The following SORCS2 variants were observed in gnomAD, a reference collection of about 807,000 sequenced individuals.
SORCS2 encodes the protein sortilin related VPS10 domain containing receptor 2, also known as VPS10 domain-containing receptor SorCS2.
SORCS2 carries 100 observed loss-of-function variants against 141.6 expected under a neutral mutation model. The ratio of observed to expected loss-of-function variants is 0.71; its 90% CI spans 0.60 to 0.83. The LOEUF is 0.83. Among genes scored for constraint, SORCS2 ranks in the 40% least tolerant of loss-of-function variants. The pLI is 0.00. For missense variants in SORCS2, 1,646 were observed against 1,560.2 expected (o/e 1.05, Z -0.93); for synonymous variants, 789 against 676.9 (o/e 1.17, Z -2.57).
intron 1 of SORCS2, among the ~76,000 whole-genome samples, chr4:7,272,233 G>A (rs1241176385): frequency 2.6e-5 from 4 of 152,186 alleles, no homozygotes; most frequent in Admixed American, 6.5e-5. Flanking sequence ...AGGAGAGGTA[G>A]CATCACAACA....
intron 8 of SORCS2, among the ~76,000 whole-genome samples, chr4:7,675,789 C>T (rs961666063): frequency 6.6e-6 from 1 of 152,172 alleles, no homozygotes; most frequent in African/African-American, 2.4e-5. Flanking sequence ...TGTCCCCAGG[C>T]CACCCTCCCA....
At chr4:7,719,814 A>G (rs1301101506) in intron 18 of SORCS2, among the ~76,000 whole-genome samples, 1 of 152,158 alleles carries the variant, frequency 6.6e-6, no homozygotes, top group East Asian at 1.9e-4. Flanking sequence ...TATGGGAGCC[A>G]GTCTACCACC....
At chr4:7,338,173 A>ATGGATGGATGGATGT (rs1720117462) in intron 1 of SORCS2, among the ~76,000 whole-genome samples, 2 of 145,328 alleles carry the variant, frequency 1.4e-5, no homozygotes, top group East Asian at 2.1e-4. Flanking sequence ...GGATGGATGG[A>ATGGATGGATGGATGT]TGGATGGATG....
At chr4:7,370,812 A>G (rs540541877) in intron 1 of SORCS2, among the ~76,000 whole-genome samples, 1 of 152,232 alleles carries the variant, frequency 6.6e-6, no homozygotes, top group South Asian at 2.1e-4. Flanking sequence ...GCCTTTGCAC[A>G]CAGGGGCCTG....
intron 1 of SORCS2, among the ~76,000 whole-genome samples, chr4:7,353,224 T>G (rs1721054842): frequency 6.6e-6 from 1 of 152,120 alleles, no homozygotes; most frequent in Non-Finnish European, 1.5e-5. Context: ...GAGGTGCCAG[T>G]AAGCACTGGC....
At chr4:7,538,850 A>G (rs537491749) in intron 3 of SORCS2, among the ~76,000 whole-genome samples, 7 of 152,192 alleles carry the variant, frequency 4.6e-5, no homozygotes, top group Admixed American at 3.9e-4. Context: ...TCAAGTGAAA[A>G]TTTTGTTTTT....
At chr4:7,307,932 G>A (rs4689694) in intron 1 of SORCS2, among the ~76,000 whole-genome samples, 114,334 of 151,996 alleles carry the variant, frequency 0.75, 45,391 homozygotes, top group Non-Finnish European at 0.88. Flanking sequence ...GAGTGTGCAT[G>A]CATGGGGTGG....
intron 2 of SORCS2, among the ~76,000 whole-genome samples, chr4:7,494,911 G>C (rs67333808): frequency 6.6e-6 from 1 of 152,242 alleles, no homozygotes; most frequent in Non-Finnish European, 1.5e-5. Flanking sequence ...GAGCAGGAAG[G>C]TGCTGGTGCC....
chr4:7,540,161 T>TCTCCCTGCCCCTCCCTGCCC (rs71175415), intron 3 of SORCS2, among the ~76,000 whole-genome samples: 23 of 50,888 alleles, frequency 4.5e-4, no homozygotes, highest in African/African-American at 1.6e-3. Context: ...CGCCCCTGCC[T>TCTCCCTGCCCCTCCCTGCCC]CTCCCTGCCC....
At chr4:7,626,894 A>G (rs1013942435) in intron 3 of SORCS2, among the ~76,000 whole-genome samples, 2 of 152,194 alleles carry the variant, frequency 1.3e-5, no homozygotes, top group Non-Finnish European at 2.9e-5. Context: ...GAGTCCCAGT[A>G]TGGTACTGTT....
At chr4:7,531,694 A>G in intron 3 of SORCS2, 65 bp downstream of exon 3, 1 of 1,499,534 alleles carries the variant, frequency 6.7e-7, no homozygotes, top group Non-Finnish European at 9.2e-7. Context: ...TCTGCAGAGC[A>G]AGGAAGCTGC....
intron 12 of SORCS2, among the ~76,000 whole-genome samples, chr4:7,698,844 C>T (rs1011511014): frequency 8.0e-6 from 1 of 124,912 alleles, no homozygotes; most frequent in African/African-American, 3.4e-5. Context: ...GGGAGAGATG[C>T]TCCTGTGGGT....
intron 1 of SORCS2, among the ~76,000 whole-genome samples, chr4:7,393,953 C>T (rs1577493634): frequency 6.6e-6 from 1 of 152,256 alleles, no homozygotes; most frequent in Non-Finnish European, 1.5e-5. Context: ...TCAGGTCCTT[C>T]TCCTTGATGA....
At chr4:7,366,501 C>T (rs1381634023) in intron 1 of SORCS2, among the ~76,000 whole-genome samples, 2 of 137,068 alleles carry the variant, frequency 1.5e-5, no homozygotes, top group South Asian at 2.6e-4. Flanking sequence ...CAACACTCCT[C>T]CAGGCTTCCC....
chr4:7,388,073 G>T (rs1577484936), intron 1 of SORCS2, among the ~76,000 whole-genome samples: 1 of 147,260 alleles, frequency 6.8e-6, no homozygotes, highest in Non-Finnish European at 1.5e-5. Context: ...GTTACACAGA[G>T]ATACACACAC....
chr4:7,711,609 C>T (rs1008588648), intron 14 of SORCS2, among the ~76,000 whole-genome samples: 1 of 152,194 alleles, frequency 6.6e-6, no homozygotes, highest in Non-Finnish European at 1.5e-5. Flanking sequence ...GGAAGGCACT[C>T]AGGCAGCAGC....
At chr4:7,640,059 G>T (rs1183313748) in intron 4 of SORCS2, among the ~76,000 whole-genome samples, 2 of 151,496 alleles carry the variant, frequency 1.3e-5, no homozygotes, top group Non-Finnish European at 1.5e-5. Flanking sequence ...GTGTGAGTGT[G>T]TGTGTTTATG....
chr4:7,366,284 T>A lies in SORCS2; in HGVS notation c.481-30004T>A, dbSNP rs76580081. 6.1e-3 allele frequency among the ~76,000 whole-genome samples: 928 copies of A among 152,008 alleles called. 8 individuals carry two copies. The highest frequency in any genetic ancestry group is 0.021 in the African/African-American group (861 of 41,432). ...CTCAGTCCTGCCCCTGCCCTCTTTTTTAAACCTGTGTGGACAGTAGTGGCT... is the reference window on the plus strand; with the variant it reads ...CTCAGTCCTGCCCCTGCCCTCTTTTATAAACCTGTGTGGACAGTAGTGGCT... On this transcript the variant is annotated intron_variant, in intron 1 of 26. Coordinates refer to ENST00000507866, the MANE Select transcript of SORCS2 (RefSeq NM_020777.3).
At chr4:7,555,085 C>G (rs1307415208) in intron 3 of SORCS2, among the ~76,000 whole-genome samples, 1 of 152,240 alleles carries the variant, frequency 6.6e-6, no homozygotes, top group Non-Finnish European at 1.5e-5. Context: ...GTTCAGGTTT[C>G]TCTCTGGATA....
Sources: allele counts gnomAD v4.1 joint callset (sites outside exome capture counted in the v4.1 genomes callset), GRCh38; gene constraint gnomAD v4.1.1; transcripts MANE v1.5; gene names NCBI Gene and HGNC (gene_info 2026-07-23, HGNC 2026-07-21).